Variants in FBXL7 observed in about 807,000 individuals in gnomAD.
The protein encoded by FBXL7 is F-box/LRR-repeat protein 7.
Under a neutral mutation model 38.3 loss-of-function variants are expected in FBXL7, and 12 were observed. The observed-to-expected ratio is 0.31, with a 90% CI of 0.20 to 0.51. The LOEUF (loss-of-function observed/expected upper bound fraction) is 0.51, where lower values mean the gene tolerates loss of function less well. Among genes scored for constraint, FBXL7 ranks in the 20% least tolerant of loss-of-function variants. FBXL7 has a pLI of 0.98. For synonymous variants in FBXL7, 297 were observed against 300.9 expected, an observed-to-expected ratio of 0.99 and a Z score of 0.13; for missense variants, 567 against 676.4, an observed-to-expected ratio of 0.84 and a Z score of 1.79.
chr5:15,607,646 GC>G (rs1350210195), intron 1 of FBXL7, among the ~76,000 whole-genome samples: 1 of 152,184 alleles, frequency 6.6e-6, no homozygotes, highest in Non-Finnish European at 1.5e-5. Flanking sequence ...CTAACAGACA[GC>G]CCAAGGGAAT....
chr5:15,838,888 A>G (rs1738661683), intron 2 of FBXL7, among the ~76,000 whole-genome samples: 1 of 152,204 alleles, frequency 6.6e-6, no homozygotes, highest in African/African-American at 2.4e-5. Flanking sequence ...TGTTATCTTT[A>G]CATTATATTT....
At chr5:15,825,480 G>A (rs574221926) in intron 2 of FBXL7, among the ~76,000 whole-genome samples, 15 of 152,216 alleles carry the variant, frequency 9.9e-5, no homozygotes, top group South Asian at 4.1e-4. Context: ...CATTAGTAGA[G>A]CAACTTTGTA....
chr5:15,888,196 C>CTTTATTTATTTATTTA (rs3034529), intron 2 of FBXL7, among the ~76,000 whole-genome samples: 3 of 145,316 alleles, frequency 2.1e-5, no homozygotes, highest in Admixed American at 6.9e-5. Flanking sequence ...GTAAACACCA[C>CTTTATTTATTTATTTA]TTTATTTATT....
At chr5:15,586,250 T>TCTCCCCTCCC (rs1416834939) in intron 1 of FBXL7, among the ~76,000 whole-genome samples, 1 of 144,172 alleles carries the variant, frequency 6.9e-6, no homozygotes, top group Non-Finnish European at 1.5e-5. Flanking sequence ...TTAAAAAGTT[T>TCTCCCCTCCC]CTCCCCTCCC....
At chr5:15,678,636 G>C (rs1742736659) in intron 2 of FBXL7, among the ~76,000 whole-genome samples, 1 of 152,166 alleles carries the variant, frequency 6.6e-6, no homozygotes, top group South Asian at 2.1e-4. Flanking sequence ...GAGGGACTTG[G>C]TGGGAGATAA....
chr5:15,828,719 T>G (rs1486673988), intron 2 of FBXL7, among the ~76,000 whole-genome samples: 1 of 152,196 alleles, frequency 6.6e-6, no homozygotes, highest in Admixed American at 6.5e-5. Context: ...GAAGGACTTT[T>G]AGGTTTAGTC....
At chr5:15,552,272 A>G (rs1289112740) in intron 1 of FBXL7, among the ~76,000 whole-genome samples, 1 of 152,174 alleles carries the variant, frequency 6.6e-6, no homozygotes, top group African/African-American at 2.4e-5. Flanking sequence ...CCTCTGGTCC[A>G]TGACACAACA....
intron 1 of FBXL7, among the ~76,000 whole-genome samples, chr5:15,586,341 C>CTTTCTCCCTCTCTG (rs1166087378): frequency 1.7e-4 from 24 of 143,336 alleles, no homozygotes; most frequent in Non-Finnish European, 3.2e-4. Context: ...CCATCTCTCT[C>CTTTCTCCCTCTCTG]TTTCTCCCTC....
At chr5:15,890,983 A>T (rs1387815282) in intron 2 of FBXL7, among the ~76,000 whole-genome samples, 1 of 152,126 alleles carries the variant, frequency 6.6e-6, no homozygotes, top group Admixed American at 6.5e-5. Context: ...AAAATCTATT[A>T]TCTGTTCAGA....
intron 2 of FBXL7, among the ~76,000 whole-genome samples, chr5:15,825,956 C>G (rs948601617): frequency 7.9e-5 from 12 of 152,184 alleles, no homozygotes; most frequent in African/African-American, 2.9e-4. Context: ...GGCTAGCGCT[C>G]ATTGCCCTGT....
chr5:15,934,508 C>A (rs1406125448), intron 3 of FBXL7, among the ~76,000 whole-genome samples: 1 of 151,668 alleles, frequency 6.6e-6, no homozygotes, highest in Admixed American at 6.6e-5. Context: ...ATATATATAA[C>A]TTATGCATAC....
chr5:15,893,115 CAAA>C (rs931760815), intron 2 of FBXL7, among the ~76,000 whole-genome samples: 7 of 71,578 alleles, frequency 9.8e-5, no homozygotes, highest in Admixed American at 1.7e-4. Context: ...GACTCTGTCT[CAAA>C]AAAAAAAAAA....
At chr5:15,533,971 A>G (rs1233920084) in intron 1 of FBXL7, among the ~76,000 whole-genome samples, 1 of 152,026 alleles carries the variant, frequency 6.6e-6, no homozygotes, top group Admixed American at 6.6e-5. Context: ...TCTCTTTATT[A>G]TTAAGTCTGT....
At chr5:15,668,405 T>C (rs1398602753) in intron 2 of FBXL7, among the ~76,000 whole-genome samples, 1 of 140,548 alleles carries the variant, frequency 7.1e-6, no homozygotes, top group Admixed American at 7.2e-5. Flanking sequence ...TGTGTGTGTG[T>C]GTGTTTTCAT....
At chr5:15,859,149 G>A (rs186062416) in intron 2 of FBXL7, among the ~76,000 whole-genome samples, 1 of 152,306 alleles carries the variant, frequency 6.6e-6, no homozygotes, top group African/African-American at 2.4e-5. Flanking sequence ...GGTGATGGGT[G>A]GAGCTTTTGA....
Position 15,713,973 on chromosome 5 carries a change from G to A in FBXL7, c.127+97901G>A, listed in dbSNP as rs57493554. Reference sequence around the variant, plus strand: ...TAGGCTGAATAATGTGCTGCCCAAAGTAACTCTGTCCTAATTCCTAGAATC... The same window carrying A: ...TAGGCTGAATAATGTGCTGCCCAAAATAACTCTGTCCTAATTCCTAGAATC... On this transcript the variant is annotated intron_variant, in intron 2 of 3. Coordinates refer to ENST00000504595, the MANE Select transcript of FBXL7 (RefSeq NM_012304.5). 1.7e-3 allele frequency among the ~76,000 whole-genome samples: 263 copies of A among 152,340 alleles called. 1 individual carries two copies. Among genetic ancestry groups the A allele is most frequent in the African/African-American group, 6.2e-3 (259 of 41,574 alleles).
chr5:15,791,875 G>A (rs1166464259), intron 2 of FBXL7, among the ~76,000 whole-genome samples: 3 of 152,158 alleles, frequency 2.0e-5, no homozygotes, highest in Non-Finnish European at 4.4e-5. Context: ...AGCCCTTAGA[G>A]ATCTGGCTGC....
intron 1 of FBXL7, among the ~76,000 whole-genome samples, chr5:15,534,962 A>G (rs538221255): frequency 6.6e-6 from 1 of 152,348 alleles, no homozygotes; most frequent in East Asian, 1.9e-4. Context: ...TGACTGGATC[A>G]TGAAGGTAGT....
intron 2 of FBXL7, among the ~76,000 whole-genome samples, chr5:15,865,989 T>G (rs1185494512): frequency 2.6e-5 from 4 of 152,146 alleles, no homozygotes; most frequent in Non-Finnish European, 4.4e-5. Flanking sequence ...TCGTTAAGAG[T>G]AGATCTCCTA....
Sources: gnomAD v4.1 joint callset for allele counts (sites outside exome capture counted in the v4.1 genomes callset) on GRCh38, gnomAD v4.1.1 for gene constraint, MANE v1.5 for transcripts, NCBI Gene and HGNC (gene_info 2026-07-23, HGNC 2026-07-21) for gene names.